USH2A: variants seen among roughly 807,000 people sequenced by gnomAD.
USH2A encodes Usher syndrome 2A (autosomal recessive, mild).
Under a neutral mutation model 538.9 loss-of-function variants are expected in USH2A, and 443 were observed. The observed-to-expected ratio is 0.82, with a 90% CI of 0.76 to 0.89. The LOEUF (loss-of-function observed/expected upper bound fraction) is 0.89, where lower values mean the gene tolerates loss of function less well. USH2A is among the 40% of genes least tolerant of loss of function. USH2A has a pLI of 0.00. For missense variants in USH2A, 6,633 were observed against 6,324.8 expected, an observed-to-expected ratio of 1.05 and a Z score of -1.65; for synonymous variants, 2,413 against 2,273.5, an observed-to-expected ratio of 1.06 and a Z score of -1.75.
At chr1:216,099,224 G>T (rs1454404698) in intron 21 of USH2A, among the ~76,000 whole-genome samples, 1 of 151,906 alleles carries the variant, frequency 6.6e-6, no homozygotes, top group African/African-American at 2.4e-5. Flanking sequence ...ATTTCTCATT[G>T]TTACACACTC....
chr1:216,372,466 C>T (rs1372800915), intron 3 of USH2A, among the ~76,000 whole-genome samples: 2 of 152,082 alleles, frequency 1.3e-5, no homozygotes, highest in Non-Finnish European at 2.9e-5. Flanking sequence ...TCTGGATTTG[C>T]TGTTCTCCCC....
chr1:215,721,292 C>T (rs1659652983), intron 61 of USH2A, among the ~76,000 whole-genome samples: 1 of 152,178 alleles, frequency 6.6e-6, no homozygotes, highest in Non-Finnish European at 1.5e-5. Context: ...CCAGGCTGGT[C>T]TCGAACGCCT....
chr1:215,910,686 T>G (rs1665759489), intron 38 of USH2A, among the ~76,000 whole-genome samples: 1 of 151,992 alleles, frequency 6.6e-6, no homozygotes, highest in Admixed American at 6.6e-5. Flanking sequence ...TCATTTATTA[T>G]TTCTTAGTAA....
In USH2A at chr1:216,289,280, C is replaced by G. The variant is rs756567792; in HGVS notation, c.1971G>C (p.Gln657His). Reference protein sequence around the residue: ...GTRNGSILCDQIGGQCNCKRH... With the variant: ...GTRNGSILCDHIGGQCNCKRH... ...ACCTTAAATACTCAGAAAAACTCAC[C>G]TGATCACAAAGAATGCTACCATTTC... is the stretch of plus-strand genomic sequence containing the variant. Residue 657 changes from glutamine to histidine, a missense_variant and splice_region_variant, in exon 11 of 72, where the codon CAG becomes CAC. Transcript: ENST00000307340. 1.2e-6 allele frequency: 2 copies of G among 1,613,784 alleles called. No homozygotes were observed. Among genetic ancestry groups the G allele is most frequent in the Admixed American group, 3.3e-5 (2 of 60,012 alleles).
At chr1:215,981,093 T>G (rs1667741864) in intron 35 of USH2A, among the ~76,000 whole-genome samples, 2 of 152,296 alleles carry the variant, frequency 1.3e-5, no homozygotes, top group South Asian at 2.1e-4. Context: ...CAAAAAGACC[T>G]TATTGTCAGA....
At chr1:216,123,177 A>G (rs1002087901) in intron 21 of USH2A, among the ~76,000 whole-genome samples, 5 of 152,228 alleles carry the variant, frequency 3.3e-5, no homozygotes, top group Admixed American at 1.3e-4. Flanking sequence ...ACTTAAAAAA[A>G]TCTTTCTTCT....
chr1:215,895,873 TG>T (rs1420308641), intron 40 of USH2A, among the ~76,000 whole-genome samples: 1 of 152,196 alleles, frequency 6.6e-6, no homozygotes, highest in Non-Finnish European at 1.5e-5. Context: ...ACAGCTAGTT[TG>T]TGTGGTATAG....
chr1:216,408,542 C>G (rs1202533546), intron 3 of USH2A, among the ~76,000 whole-genome samples: 1 of 152,098 alleles, frequency 6.6e-6, no homozygotes, highest in African/African-American at 2.4e-5. Flanking sequence ...ATAATTATAA[C>G]AATACATTGT....
chr1:215,887,341 G>GA (rs201540532), intron 41 of USH2A, among the ~76,000 whole-genome samples: 5 of 150,064 alleles, frequency 3.3e-5, no homozygotes, highest in African/African-American at 1.2e-4. Context: ...CCCCAAGATT[G>GA]AAAAAAAAAG....
At chr1:215,875,265 C>T (rs1664733652) in intron 43 of USH2A, among the ~76,000 whole-genome samples, 1 of 151,826 alleles carries the variant, frequency 6.6e-6, no homozygotes, top group Non-Finnish European at 1.5e-5. Context: ...ACGCCATTTA[C>T]ACTGAATGTT....
At chr1:216,091,858 G>GT (rs1188320301) in intron 22 of USH2A, among the ~76,000 whole-genome samples, 2 of 151,978 alleles carry the variant, frequency 1.3e-5, no homozygotes, top group Non-Finnish European at 2.9e-5. Context: ...TAAGCATCTC[G>GT]TTTTTTCCTG....
At chr1:216,151,522 G>C (rs1572003168) in intron 21 of USH2A, among the ~76,000 whole-genome samples, 1 of 152,162 alleles carries the variant, frequency 6.6e-6, no homozygotes, top group East Asian at 1.9e-4. Flanking sequence ...TCTCGGTACT[G>C]GAATAGCAGG....
chr1:216,229,297 T>A (rs1471528998), intron 14 of USH2A, among the ~76,000 whole-genome samples: 1 of 151,962 alleles, frequency 6.6e-6, no homozygotes, highest in Non-Finnish European at 1.5e-5. Flanking sequence ...GAATCTGAAG[T>A]CTGCTTTCTC....
At chr1:216,069,251 GT>G (rs1372089379) in intron 30 of USH2A, among the ~76,000 whole-genome samples, 1 of 152,126 alleles carries the variant, frequency 6.6e-6, no homozygotes, top group Non-Finnish European at 1.5e-5. Context: ...GTGTGAATTT[GT>G]TTTTCTTTTG....
intron 3 of USH2A, among the ~76,000 whole-genome samples, chr1:216,394,349 G>A (rs2039166065): frequency 6.7e-6 from 1 of 150,070 alleles, no homozygotes; most frequent in South Asian, 2.1e-4. Context: ...AACAGTTTAC[G>A]GGTCAATAGA....
intron 61 of USH2A, among the ~76,000 whole-genome samples, chr1:215,690,343 C>T (rs990217416): frequency 2.0e-5 from 3 of 152,156 alleles, no homozygotes; most frequent in Non-Finnish European, 4.4e-5. Context: ...GTGGCAACTC[C>T]CTTACCCATC....
chr1:215,791,847 T>C (rs1353110156), intron 50 of USH2A, among the ~76,000 whole-genome samples: 1 of 152,156 alleles, frequency 6.6e-6, no homozygotes, highest in Non-Finnish European at 1.5e-5. Context: ...TATGTATGTG[T>C]ATATATACAC....
At chr1:215,689,977 A>G (rs10864184) in intron 61 of USH2A, among the ~76,000 whole-genome samples, 30,430 of 152,142 alleles carry the variant, frequency 0.2, 3,193 homozygotes, top group Non-Finnish European at 0.23. Context: ...TAGCAGTAAT[A>G]TATCTTCTCT....
In USH2A at chr1:215,888,417, G is replaced by C; in HGVS notation, c.8223+9C>G. The C allele has an allele frequency of 6.2e-7, 1 of 1,612,474 alleles. No individual in the cohort carries two copies. The highest frequency in any genetic ancestry group is 1.1e-5 in the South Asian group (1 of 91,010). ...GTCTGCAAAGGAGAGAGAATAGTCA[G>C]TATCTTACCTGGACTGCATCGGGTT... On this transcript the variant is annotated intron_variant, in intron 41 of 71. Coordinates refer to ENST00000307340, the MANE Select transcript of USH2A (RefSeq NM_206933.4).
Sources: gnomAD v4.1 joint callset for allele counts (sites outside exome capture counted in the v4.1 genomes callset) on GRCh38, gnomAD v4.1.1 for gene constraint, MANE v1.5 for transcripts, NCBI Gene and HGNC (gene_info 2026-07-23, HGNC 2026-07-21) for gene names.